PDHX: variants seen among roughly 807,000 people sequenced by gnomAD.
PDHX encodes the protein pyruvate dehydrogenase complex component X, also known as pyruvate dehydrogenase protein X component, mitochondrial.
In PDHX, 33 loss-of-function variants were observed where a neutral mutation model predicts 55.3. The observed-to-expected ratio is 0.60, with a 90% CI of 0.45 to 0.80. PDHX has a LOEUF of 0.80. Ranked by LOEUF, PDHX falls within the 30% of genes least tolerant of loss-of-function variation. The probability of loss-of-function intolerance (pLI) is 0.00; values close to 1 mark genes in which losing one functional copy is unlikely to be tolerated. For missense variants in PDHX, 622 were observed against 619.9 expected (o/e 1.00, Z -0.04); for synonymous variants, 226 against 219.4 (o/e 1.03, Z -0.27).
At chr11:34,931,324 T>A (rs975545686) in intron 1 of PDHX, 80 bp from the exon 2 acceptor site, 20 of 788,566 alleles carry the variant, frequency 2.5e-5, no homozygotes, top group Non-Finnish European at 3.6e-5. Context: ...GAATTTGACG[T>A]TAATTTACTT....
At position 34,970,218 on chromosome 11, in the gene PDHX, C is replaced by T. The variant is rs1304602147; in HGVS notation, c.896C>T (p.Pro299Leu). Residue 299 changes from proline to leucine, a missense_variant, in exon 7 of 11, where the codon CCT becomes CTT. Pro to Leu is a moderately conservative substitution (Grantham distance 98, BLOSUM62 -3). Transcript: ENST00000227868. ...TTAACTGAATCTAAAAGTACTGTACCTCATGCATATGCTACTGCTGACTGT... is the reference window on the plus strand; with the variant it reads ...TTAACTGAATCTAAAAGTACTGTACTTCATGCATATGCTACTGCTGACTGT... Reference protein sequence around the residue: ...KRLTESKSTVPHAYATADCDL... With the variant: ...KRLTESKSTVLHAYATADCDL... 3 of 1,612,624 alleles carry T rather than the reference C, an allele frequency of 1.9e-6. No individual in the cohort carries two copies. Among genetic ancestry groups the T allele is most frequent in the Non-Finnish European group, 2.5e-6 (3 of 1,178,708 alleles).
intron 3 of PDHX, among the ~76,000 whole-genome samples, chr11:34,947,850 A>G (rs113872588): frequency 6.6e-6 from 1 of 152,174 alleles, no homozygotes. Context: ...AGCTTATGTG[A>G]AAAGTAAGTG....
At chr11:34,945,684 A>G (rs1413722835) in intron 2 of PDHX, among the ~76,000 whole-genome samples, 2 of 152,132 alleles carry the variant, frequency 1.3e-5, no homozygotes, top group Non-Finnish European at 2.9e-5. Flanking sequence ...CGGTTTCTTT[A>G]CATTGTATCT....
upstream of PDHX, chr11:34,916,399 C>T (rs769211875): frequency 9.2e-6 from 14 of 1,527,304 alleles, no homozygotes; most frequent in South Asian, 1.6e-4. Context: ...TGAGGGCAGC[C>T]CGGGGGCGGG....
At chr11:34,978,024 T>G in intron 7 of PDHX, 100 bp from the exon 8 acceptor site, 1 of 726,102 alleles carries the variant, frequency 1.4e-6, no homozygotes, top group Non-Finnish European at 2.5e-6. Context: ...TTTATCATTG[T>G]TTGTCAGTAC....
chr11:34,970,260 TAA>T lies in PDHX; in HGVS notation c.941_942del (p.Lys314SerfsTer2), dbSNP rs1855230128. 1.2e-6 allele frequency: 2 copies of T among 1,613,706 alleles called. No individual in the cohort carries two copies. Among genetic ancestry groups the T allele is most frequent in the African/African-American group, 1.3e-5 (1 of 74,896 alleles). ...GCTGACTGTGACCTTGGAGCTGTTT[TAA>T]AAGTTAGGCAAGATCTGGTCAAAGG... On this transcript the variant is annotated frameshift_variant, in exon 7 of 11. Coordinates refer to ENST00000227868, the MANE Select transcript of PDHX (RefSeq NM_003477.3). LOFTEE classifies it high-confidence loss of function.
intron 6 of PDHX, among the ~76,000 whole-genome samples, chr11:34,967,430 A>T (rs1005306729): frequency 6.6e-6 from 1 of 151,902 alleles, no homozygotes; most frequent in African/African-American, 2.4e-5. Flanking sequence ...CTACAATCTC[A>T]TGTTTCATGT....
At chr11:34,971,876 T>A (rs1855265104) in intron 7 of PDHX, among the ~76,000 whole-genome samples, 1 of 152,128 alleles carries the variant, frequency 6.6e-6, no homozygotes, top group African/African-American at 2.4e-5. Context: ...TAGAATTCAC[T>A]AGTGAATTTC....
chr11:34,921,277 T>C (rs891682326), intron 1 of PDHX, among the ~76,000 whole-genome samples: 2 of 152,242 alleles, frequency 1.3e-5, no homozygotes. Context: ...TTTGTTTTCC[T>C]GTACAGACTT....
chr11:34,980,617 A>G (rs1055685746), intron 8 of PDHX, among the ~76,000 whole-genome samples: 2 of 151,990 alleles, frequency 1.3e-5, no homozygotes, highest in African/African-American at 4.8e-5. Flanking sequence ...TTGGGACTTT[A>G]TTCTTTTAAC....
intron 3 of PDHX, 70 bp downstream of exon 3, chr11:34,947,676 T>C: frequency 2.0e-6 from 2 of 1,009,592 alleles, no homozygotes; most frequent in South Asian, 2.5e-5. Context: ...TGTAGTAAAA[T>C]TACCTTTTAT....
intron 1 of PDHX, among the ~76,000 whole-genome samples, chr11:34,930,851 G>A (rs1854144400): frequency 6.6e-6 from 1 of 152,150 alleles, no homozygotes; most frequent in Non-Finnish European, 1.5e-5. Context: ...CAAGGCAAAC[G>A]TTTCCTTTCA....
intron 7 of PDHX, among the ~76,000 whole-genome samples, chr11:34,973,057 G>A (rs143898154): frequency 6.6e-6 from 1 of 152,196 alleles, no homozygotes; most frequent in East Asian, 1.9e-4. Flanking sequence ...CATTATAATT[G>A]TTTATTTGTG....
intron 1 of PDHX, among the ~76,000 whole-genome samples, chr11:34,930,314 C>T (rs1854126282): frequency 6.6e-6 from 1 of 152,282 alleles, no homozygotes; most frequent in African/African-American, 2.4e-5. Flanking sequence ...GAGGTGGAAG[C>T]GCCTTTATCA....
intron 9 of PDHX, among the ~76,000 whole-genome samples, chr11:34,986,424 C>T (rs941877444): frequency 1.3e-5 from 2 of 151,702 alleles, no homozygotes; most frequent in Non-Finnish European, 2.9e-5. Context: ...GGGTTTTCAG[C>T]GACAATGAGA....
intron 2 of PDHX, among the ~76,000 whole-genome samples, chr11:34,944,937 T>C (rs886744411): frequency 6.6e-6 from 1 of 152,210 alleles, no homozygotes; most frequent in Non-Finnish European, 1.5e-5. Flanking sequence ...CCATTTTTTG[T>C]GCATTTTTGT....
chr11:34,929,686 A>G (rs959830006), intron 1 of PDHX, among the ~76,000 whole-genome samples: 1 of 152,238 alleles, frequency 6.6e-6, no homozygotes, highest in African/African-American at 2.4e-5. Context: ...ATGTAAAGTT[A>G]GCACAGCTTT....
At chr11:34,992,239 G>A (rs1855771425) in intron 9 of PDHX, 76 bp from the exon 10 acceptor site, 1 of 821,812 alleles carries the variant, frequency 1.2e-6, no homozygotes, top group Non-Finnish European at 2.1e-6. Context: ...AGTATATGAT[G>A]TACAAATATT....
intron 2 of PDHX, among the ~76,000 whole-genome samples, chr11:34,946,119 C>A (rs1854612814): frequency 6.6e-6 from 1 of 152,086 alleles, no homozygotes; most frequent in African/African-American, 2.4e-5. Context: ...TTTTTGTCTG[C>A]CTGTATGAAA....
Sources: gnomAD v4.1 joint callset for allele counts (sites outside exome capture counted in the v4.1 genomes callset) on GRCh38, gnomAD v4.1.1 for gene constraint, MANE v1.5 for transcripts, NCBI Gene and HGNC (gene_info 2026-07-23, HGNC 2026-07-21) for gene names.